AGFG1: variants seen among roughly 807,000 people sequenced by gnomAD.
The protein encoded by AGFG1 is ArfGAP with FG repeats 1.
Under a neutral mutation model 60.6 loss-of-function variants are expected in AGFG1, and 10 were observed. That is an observed-to-expected ratio of 0.16 (90% confidence interval 0.10 to 0.28). AGFG1 has a LOEUF of 0.28. Ranked by LOEUF, AGFG1 falls within the 10% of genes least tolerant of loss-of-function variation. The pLI is 1.00. For synonymous variants in AGFG1, 247 were observed against 242.9 expected (o/e 1.02, Z -0.16); for missense variants, 537 against 676.5 (o/e 0.79, Z 2.29).
chr2:227,542,386 G>T (rs1198552272), intron 10 of AGFG1, among the ~76,000 whole-genome samples: 1 of 152,128 alleles, frequency 6.6e-6, no homozygotes, highest in African/African-American at 2.4e-5. Context: ...GTTGAATTTT[G>T]TCAAAGGCCT....
At chr2:227,492,410 A>C (rs1481869121) in intron 2 of AGFG1, among the ~76,000 whole-genome samples, 2 of 152,098 alleles carry the variant, frequency 1.3e-5, no homozygotes, top group Non-Finnish European at 2.9e-5. Flanking sequence ...TTTTCTAGAA[A>C]GGATAAGTAG....
chr2:227,549,199 T>TA (rs961168738), intron 10 of AGFG1, among the ~76,000 whole-genome samples: 32 of 152,276 alleles, frequency 2.1e-4, no homozygotes, highest in African/African-American at 6.7e-4. Flanking sequence ...CTGAAGCTTA[T>TA]AAAATAAAGT....
intron 2 of AGFG1, among the ~76,000 whole-genome samples, chr2:227,519,148 A>G (rs1426224897): frequency 6.6e-6 from 1 of 152,214 alleles, no homozygotes; most frequent in Admixed American, 6.5e-5. Flanking sequence ...CCTGGGTGAT[A>G]GAGACAGACC....
chr2:227,477,339 CTG>C (rs1283116456), intron 1 of AGFG1, among the ~76,000 whole-genome samples: 1 of 152,194 alleles, frequency 6.6e-6, no homozygotes, highest in Non-Finnish European at 1.5e-5. Context: ...TGAGTGCTAG[CTG>C]TGTGACAGAC....
intron 5 of AGFG1, among the ~76,000 whole-genome samples, chr2:227,526,652 C>T (rs1389539402): frequency 1.3e-5 from 2 of 150,152 alleles, no homozygotes; most frequent in Non-Finnish European, 3.0e-5. Context: ...AGCCAATTCT[C>T]CTGCCTCAGC....
At chr2:227,540,272 C>A (rs1365900256) in intron 10 of AGFG1, among the ~76,000 whole-genome samples, 1 of 150,566 alleles carries the variant, frequency 6.6e-6, no homozygotes, top group Non-Finnish European at 1.5e-5. Flanking sequence ...TATACATGTA[C>A]CATGTTGGTG....
chr2:227,517,835 G>C (rs973524274), intron 2 of AGFG1, among the ~76,000 whole-genome samples: 18 of 152,168 alleles, frequency 1.2e-4, no homozygotes, highest in Non-Finnish European at 2.9e-5. Context: ...TAATTTTGCT[G>C]AGGAATAGTT....
chr2:227,497,171 C>CT (rs1467958654), intron 2 of AGFG1, among the ~76,000 whole-genome samples: 2 of 150,930 alleles, frequency 1.3e-5, no homozygotes, highest in Non-Finnish European at 2.9e-5. Context: ...CTCTTCCCCC[C>CT]CCACCCCACA....
chr2:227,531,244 A>G (rs763899173), intron 6 of AGFG1, 34 bp downstream of exon 6: 1 of 1,590,538 alleles, frequency 6.3e-7, no homozygotes, highest in Admixed American at 1.9e-5. Context: ...TTAAATGTTT[A>G]CTTTACAAAA....
intron 1 of AGFG1, among the ~76,000 whole-genome samples, chr2:227,481,863 C>CTTTTT (rs769166509): frequency 4.0e-4 from 47 of 117,568 alleles, no homozygotes; most frequent in African/African-American, 1.2e-3. Context: ...TTGTCCACTA[C>CTTTTT]TTTTTTTTTT....
At chr2:227,529,826 G>C (rs767309663) in intron 5 of AGFG1, among the ~76,000 whole-genome samples, 5 of 151,706 alleles carry the variant, frequency 3.3e-5, no homozygotes, top group Non-Finnish European at 7.4e-5. Flanking sequence ...TTTTAAAGGG[G>C]ATGTTCTAAT....
intron 2 of AGFG1, among the ~76,000 whole-genome samples, chr2:227,516,328 C>T (rs1003428480): frequency 1.3e-5 from 2 of 152,128 alleles, no homozygotes; most frequent in Non-Finnish European, 2.9e-5. Flanking sequence ...TGCTGATTTA[C>T]GGAACTGGGA....
At chr2:227,532,332 C>T in intron 6 of AGFG1, 1 of 646,190 alleles carries the variant, frequency 1.5e-6, no homozygotes, top group Admixed American at 3.8e-5. Context: ...AAAATCTCTT[C>T]CAACTCTATT....
chr2:227,559,918 T>G lies in AGFG1; in HGVS notation c.*5423T>G, dbSNP rs752076089. The G allele has an allele frequency of 4.6e-5, 7 of 152,150 alleles. No individual in the cohort carries two copies. Among genetic ancestry groups the G allele is most frequent in the Non-Finnish European group, 1.0e-4 (7 of 67,982 alleles). The allele number at this position is 152,150 out of a possible 1,614,324, so 9.4% of individuals were successfully genotyped here. ...TAAAGGTTTTTTGTATGCTATAATATATGCTTATGATTTCTAAAAATTATG... is the reference window on the plus strand; with the variant it reads ...TAAAGGTTTTTTGTATGCTATAATAGATGCTTATGATTTCTAAAAATTATG... On this transcript the variant is annotated 3_prime_UTR_variant, in exon 13 of 13. Coordinates refer to ENST00000310078, the MANE Select transcript of AGFG1 (RefSeq NM_004504.5).
chr2:227,488,948 G>A (rs62189455), intron 1 of AGFG1, among the ~76,000 whole-genome samples: 7,231 of 152,114 alleles, frequency 0.048, 272 homozygotes, highest in Middle Eastern at 0.12. Context: ...CGAGTAGCTG[G>A]GACTACAGGC....
chr2:227,548,032 C>T (rs752873075), intron 10 of AGFG1, among the ~76,000 whole-genome samples: 37 of 152,192 alleles, frequency 2.4e-4, no homozygotes, highest in Non-Finnish European at 4.6e-4. Flanking sequence ...TTGATACATG[C>T]TACAACATGG....
chr2:227,518,674 C>CCA (rs1559183635), intron 2 of AGFG1, among the ~76,000 whole-genome samples: 1 of 151,908 alleles, frequency 6.6e-6, no homozygotes, highest in African/African-American at 2.4e-5. Flanking sequence ...CAGGCATGCA[C>CCA]CACTACGCCT....
intron 2 of AGFG1, among the ~76,000 whole-genome samples, chr2:227,499,523 C>A (rs1202136529): frequency 2.0e-5 from 3 of 151,898 alleles, no homozygotes; most frequent in Non-Finnish European, 4.4e-5. Context: ...GCCTGTAATC[C>A]CAACTACTCT....
At chr2:227,523,625 A>G (rs747762890) in intron 3 of AGFG1, 138 bp from the exon 4 acceptor site, 45 of 783,048 alleles carry the variant, frequency 5.7e-5, no homozygotes, top group Middle Eastern at 3.7e-4. Flanking sequence ...AAAATATGCA[A>G]AGTTATTCTG....
Sources: allele counts gnomAD v4.1 joint callset (sites outside exome capture counted in the v4.1 genomes callset), GRCh38; gene constraint gnomAD v4.1.1; transcripts MANE v1.5; gene names NCBI Gene and HGNC (gene_info 2026-07-23, HGNC 2026-07-21).